The following SMC4 variants were observed in gnomAD, a reference collection of about 807,000 sequenced individuals.
The protein encoded by SMC4 is structural maintenance of chromosomes 4, also known as structural maintenance of chromosomes protein 4.
A neutral mutation model predicts 145.6 loss-of-function variants in SMC4; 87 were observed. That is an observed-to-expected ratio of 0.60 (90% CI 0.50 to 0.71). The LOEUF is 0.71. Ranked by LOEUF, SMC4 falls within the 30% of genes least tolerant of loss-of-function variation. The probability of loss-of-function intolerance (pLI) is 0.00; values close to 1 mark genes in which losing one functional copy is unlikely to be tolerated. For synonymous variants in SMC4, 558 were observed against 500.7 expected (o/e 1.11, Z -1.53); for missense variants, 1,447 against 1,537.1 (o/e 0.94, Z 0.98).
intron 15 of SMC4, among the ~76,000 whole-genome samples, chr3:160,424,152 C>A (rs553296346): frequency 1.0e-3 from 154 of 151,950 alleles, no homozygotes; most frequent in African/African-American, 3.7e-3. Context: ...TGTATTATTG[C>A]TGTATTACAT....
At chr3:160,400,617 C>G (rs1157339577) in intron 1 of SMC4, 2 of 544,436 alleles carry the variant, frequency 3.7e-6, no homozygotes, top group African/African-American at 4.0e-5. Context: ...TAGATTTTCC[C>G]ACTTACATAG....
chr3:160,428,310 T>A (rs1246923595), intron 17 of SMC4, among the ~76,000 whole-genome samples: 1 of 152,238 alleles, frequency 6.6e-6, no homozygotes, highest in Non-Finnish European at 1.5e-5. Flanking sequence ...CTAATTCATC[T>A]TATATCCTCC....
In SMC4 at chr3:160,404,646, G is replaced by A. The variant is rs192595529; in HGVS notation, c.687+142G>A. On this transcript the variant is annotated intron_variant, in intron 5 of 23. Coordinates refer to ENST00000357388, the MANE Select transcript of SMC4 (RefSeq NM_001002800.3). ...GGTTTACATGCTACAGTCAAGATGC[G>A]AATCATTATTTGCTGCTCTAGAAAT... The A allele has an allele frequency of 5.0e-5, 41 of 817,160 alleles. No individual in the cohort carries two copies. The Admixed American group carries it at 6.1e-4, about 12-fold the overall frequency. 50.6% of individuals were successfully genotyped at this position (817,160 alleles called of 1,614,324 possible). A position where few individuals can be genotyped will look rare whatever the true frequency, so the allele number is the denominator to read the frequency against.
At position 160,431,815 on chromosome 3, in the gene SMC4, A is replaced by G. The variant is rs1257350404; in HGVS notation, c.3287A>G (p.Tyr1096Cys). 1.2e-6 allele frequency: 2 copies of G among 1,611,922 alleles called. No homozygotes were observed. Among genetic ancestry groups the G allele is most frequent in the Non-Finnish European group, 1.7e-6 (2 of 1,179,596 alleles). The change falls in exon 21 of 24, where the codon TAT (tyrosine) becomes TGT (cysteine). Residue 1096 changes from tyrosine (Y) to cysteine (C), a missense_variant. By Grantham distance (194) the Tyr-to-Cys change is radical. Transcript: ENST00000357388. ...MKPNLGAIAE[Y>C]KKKEELYLQR... is the part of the protein sequence containing the mutation. ...CCAAACCTCGGTGCCATCGCAGAGT[A>G]TAAAAAGAAGGTATGAATGAACTGT... is the stretch of plus-strand genomic sequence containing the variant.
rs181414686 is a variant in SMC4 at position 160,419,970 on chromosome 3, A to G, written c.1857+427A>G. Among the ~76,000 whole-genome samples the G allele has an allele frequency of 3.0e-3, 455 of 152,234 alleles. 2 individuals carry two copies. Among genetic ancestry groups the G allele is most frequent in the Admixed American group, 7.5e-3 (114 of 15,280 alleles). On this transcript the variant is annotated intron_variant, in intron 12 of 23. Coordinates refer to ENST00000357388, the MANE Select transcript of SMC4 (RefSeq NM_001002800.3). ...TGAAAATTAAAAAAAATTTTTTTAT[A>G]TATTTGGGGTTTCACACCATTTTAC... is the stretch of plus-strand genomic sequence containing the variant.
Position 160,430,603 on chromosome 3 carries a change from C to T in SMC4, c.2800C>T (p.Leu934Phe), listed in dbSNP as rs945541735. 1 of 1,579,168 alleles carries T rather than the reference C, an allele frequency of 6.3e-7. No homozygotes were observed. Among genetic ancestry groups the T allele is most frequent in the Admixed American group, 1.9e-5 (1 of 52,866 alleles). The change falls in exon 19 of 24, where the codon CTT (leucine) becomes TTT (phenylalanine). Residue 934 changes from leucine to phenylalanine, a missense_variant. Physicochemically the swap from Leu to Phe is conservative, Grantham distance 22. Coordinates refer to ENST00000357388, the MANE Select transcript of SMC4 (RefSeq NM_001002800.3). ...QVAIKTADRN[L>F]QKAQDSVLRT... is the part of the protein sequence containing the mutation. ...TGCATCATTTTGCTTCTTTAGAAAC[C>T]TTCAAAAGGCACAAGACTCTGTCTT...
chr3:160,415,094 A>G (rs887124705), intron 9 of SMC4, among the ~76,000 whole-genome samples: 21 of 152,338 alleles, frequency 1.4e-4, no homozygotes, highest in African/African-American at 5.1e-4. Flanking sequence ...AATGTTGGCC[A>G]GGCACAATGG....
At chr3:160,402,385 A>G (rs1714796994) in intron 3 of SMC4, among the ~76,000 whole-genome samples, 1 of 151,464 alleles carries the variant, frequency 6.6e-6, no homozygotes, top group Non-Finnish European at 1.5e-5. Flanking sequence ...CCCTTGGATA[A>G]TTTTTTTTTC....
intron 5 of SMC4, among the ~76,000 whole-genome samples, chr3:160,408,543 C>G (rs911019196): frequency 8.5e-5 from 13 of 152,192 alleles, no homozygotes; most frequent in African/African-American, 3.1e-4. Flanking sequence ...CGACTTGAAA[C>G]ATTTTTTGTC....
chr3:160,409,124 GGCATGGTGGCGCGT>G (rs1419635007), intron 5 of SMC4, among the ~76,000 whole-genome samples: 1 of 151,044 alleles, frequency 6.6e-6, no homozygotes, highest in East Asian at 1.9e-4. Flanking sequence ...AAATTAGCCG[GGCATGGTGGCGCGT>G]GCCTGTAGTC....
At chr3:160,412,646 G>C (rs1716137159) in intron 7 of SMC4, 193 bp downstream of exon 7, 1 of 1,123,312 alleles carries the variant, frequency 8.9e-7, no homozygotes, top group African/African-American at 1.6e-5. Context: ...AGGATCACTT[G>C]AGGCTGGGAG....
At chr3:160,423,713 T>C in intron 14 of SMC4, 48 bp from the exon 15 acceptor site, 1 of 1,601,548 alleles carries the variant, frequency 6.2e-7, no homozygotes, top group Non-Finnish European at 8.5e-7. Flanking sequence ...CTTTATTTAA[T>C]CTTGTTGGGG....
intron 10 of SMC4, chr3:160,416,737 C>G (rs986865836): frequency 1.8e-5 from 3 of 163,104 alleles, no homozygotes; most frequent in Non-Finnish European, 4.0e-5. Context: ...TGGAGCCACA[C>G]TAAGCGCAGG....
intron 7 of SMC4, 28 bp from the exon 8 acceptor site, chr3:160,413,444 AT>A: frequency 6.4e-7 from 1 of 1,557,696 alleles, no homozygotes. Flanking sequence ...AGGAGCTTCA[AT>A]TTCTTTTTTT....
At chr3:160,412,178 A>T (rs1716064310) in intron 6 of SMC4, 94 bp downstream of exon 6, 3 of 1,434,232 alleles carry the variant, frequency 2.1e-6, no homozygotes, top group Admixed American at 4.4e-5. Context: ...ATAATACTTA[A>T]TGAAGAAGTG....
chr3:160,419,669 T>G, intron 12 of SMC4, 126 bp downstream of exon 12: 1 of 850,666 alleles, frequency 1.2e-6, no homozygotes, highest in Middle Eastern at 3.8e-4. Context: ...TTTGTTTGTT[T>G]TAAGGCACAT....
Position 160,433,095 on chromosome 3 carries a change from A to G in SMC4, c.3600A>G (p.Ser1200=), listed in dbSNP as rs531492246. The change falls in exon 23 of 24, where the codon TCA becomes TCG. Residue 1200 remains serine, a synonymous_variant. Transcript: ENST00000357388. ...CGGGAGGAGAGAAAACACTTAGTTC[A>G]TTGGCTTTAGTATTTGCTCTTCACC... The part of the protein sequence containing the change: ...NLSGGEKTLS[S]LALVFALHHY... The G allele has an allele frequency of 3.1e-6, 5 of 1,613,674 alleles. No individual in the cohort carries two copies. The South Asian group carries it at 5.5e-5, about 18-fold the overall frequency.
At chr3:160,417,997 C>A in intron 11 of SMC4, 41 bp downstream of exon 11, 2 of 1,501,166 alleles carry the variant, frequency 1.3e-6, no homozygotes, top group Non-Finnish European at 1.8e-6. Context: ...CATCATTCGT[C>A]CACTTCAGCT....
At chr3:160,414,305 A>C (rs776887565) in intron 8 of SMC4, 62 bp from the exon 9 acceptor site, 1 of 1,327,592 alleles carries the variant, frequency 7.5e-7, no homozygotes, top group East Asian at 2.3e-5. Context: ...CCAGGTAGGA[A>C]ATGTGGTTTT....
Sources: allele counts gnomAD v4.1 joint callset (sites outside exome capture counted in the v4.1 genomes callset), GRCh38; gene constraint gnomAD v4.1.1; transcripts MANE v1.5; gene names NCBI Gene and HGNC (gene_info 2026-07-23, HGNC 2026-07-21).